Variants in ABCA1 observed in about 807,000 individuals in gnomAD.
The protein encoded by ABCA1 is ATP binding cassette subfamily A member 1, also known as phospholipid-transporting ATPase ABCA1.
ABCA1 carries 133 observed loss-of-function variants against 262.5 expected under a neutral mutation model. The observed-to-expected ratio is 0.51, with a 90% CI of 0.44 to 0.59. The LOEUF (loss-of-function observed/expected upper bound fraction) is 0.59, where lower values mean the gene tolerates loss of function less well. ABCA1 is among the 20% of genes least tolerant of loss of function. The probability of loss-of-function intolerance (pLI) is 0.00; values close to 1 mark genes in which losing one functional copy is unlikely to be tolerated. For missense variants in ABCA1, 2,452 were observed against 2,777.5 expected, an observed-to-expected ratio of 0.88 and a Z score of 2.63; for synonymous variants, 1,022 against 1,043.5, an observed-to-expected ratio of 0.98 and a Z score of 0.40.
rs2118859582 is a variant in ABCA1 at position 104,792,016 on chromosome 9, T to A, written c.5758-18A>T. The A allele has an allele frequency of 6.2e-7, 1 of 1,609,130 alleles. No homozygotes were observed. The highest frequency in any genetic ancestry group is 1.1e-5 in the South Asian group (1 of 90,510). On this transcript the variant is annotated intron_variant, in intron 42 of 49. Coordinates refer to ENST00000374736, the MANE Select transcript of ABCA1 (RefSeq NM_005502.4). ...CTATATATCTGCAACAAACAAAATGTAAACATTCATAAGCCTCAGTGACTC... is the reference window on the plus strand; with the variant it reads ...CTATATATCTGCAACAAACAAAATGAAAACATTCATAAGCCTCAGTGACTC...
At chr9:104,785,744 G>A in intron 48 of ABCA1, 105 bp from the exon 49 acceptor site, 2 of 1,379,674 alleles carry the variant, frequency 1.4e-6, no homozygotes, top group South Asian at 1.2e-5. Flanking sequence ...GGCGGCCCCT[G>A]GCAGGCCCAG....
chr9:104,831,943 C>G (rs1238549349), intron 12 of ABCA1, 116 bp from the exon 13 acceptor site: 5 of 974,100 alleles, frequency 5.1e-6, no homozygotes, highest in Non-Finnish European at 8.2e-6. Flanking sequence ...TCCTCTCTCT[C>G]TAATCCTCTC....
At chr9:104,907,677 T>C (rs1445068520) in intron 1 of ABCA1, among the ~76,000 whole-genome samples, 1 of 152,224 alleles carries the variant, frequency 6.6e-6, no homozygotes, top group African/African-American at 2.4e-5. Flanking sequence ...ACTGCTGAGC[T>C]TCCCAGGTGA....
intron 5 of ABCA1, among the ~76,000 whole-genome samples, chr9:104,865,515 C>CAA (rs925876847): frequency 1.8e-4 from 12 of 66,960 alleles, no homozygotes; most frequent in South Asian, 5.1e-4. Context: ...GACTCTGTCT[C>CAA]AAAAAAAAAA....
chr9:104,847,286 A>G (rs904022082), intron 7 of ABCA1, among the ~76,000 whole-genome samples: 2 of 152,198 alleles, frequency 1.3e-5, no homozygotes, highest in Admixed American at 1.3e-4. Context: ...TGGGGTAGCT[A>G]TAGAACCCTG....
chr9:104,897,764 T>C (rs945733835), intron 2 of ABCA1, among the ~76,000 whole-genome samples: 4 of 152,214 alleles, frequency 2.6e-5, no homozygotes, highest in Admixed American at 6.5e-5. Context: ...CTACCACGCC[T>C]GGCTAATTTT....
chr9:104,811,010 C>T (rs1831233120), intron 28 of ABCA1, 86 bp from the exon 29 acceptor site: 1 of 1,592,682 alleles, frequency 6.3e-7, no homozygotes, highest in East Asian at 2.2e-5. Flanking sequence ...CCCTACGAGT[C>T]CAGCCCACCT....
At chr9:104,831,958 G>A (rs911405744) in intron 12 of ABCA1, 131 bp from the exon 13 acceptor site, 67 of 908,150 alleles carry the variant, frequency 7.4e-5, no homozygotes, top group South Asian at 4.9e-4. Context: ...CCTCTCTAAC[G>A]TAGTTTTCCA....
At position 104,785,542 on chromosome 9, in the gene ABCA1, C is replaced by A. The variant is rs1440765616; in HGVS notation, c.6499G>T (p.Val2167Phe). Residue 2167 changes from valine to phenylalanine, a missense_variant, in exon 49 of 50, where the codon GTT becomes TTT. By Grantham distance (50) the Val-to-Phe change is conservative. This residue lies in a region of ABCA1 where 752 missense variants were observed against 944.5 expected (regional missense o/e 0.80). Transcript: ENST00000374736. Reference sequence around the variant, plus strand: ...ATGTTCCGGTGTTTCTCTTTTAGAACACTTCCAGGAAATGCAAGTCCAAAG... The same window carrying A: ...ATGTTCCGGTGTTTCTCTTTTAGAAAACTTCCAGGAAATGCAAGTCCAAAG... ...DFFGLAFPGS[V>F]LKEKHRNMLQ... 6.4e-7 allele frequency: 1 copy of A among 1,570,082 alleles called. No homozygotes were observed.
intron 5 of ABCA1, among the ~76,000 whole-genome samples, chr9:104,867,777 G>C (rs1837226074): frequency 6.6e-6 from 1 of 152,168 alleles, no homozygotes; most frequent in Non-Finnish European, 1.5e-5. Flanking sequence ...AGATGACCTG[G>C]ACGAAAGACC....
chr9:104,855,863 T>G, intron 7 of ABCA1: 1 of 1,612,576 alleles, frequency 6.2e-7, no homozygotes, highest in Non-Finnish European at 8.5e-7. Context: ...CAGGAGAAAC[T>G]CACAATACCC....
chr9:104,861,771 T>C lies in ABCA1; in HGVS notation c.451A>G (p.Asn151Asp). ...TACAGGAACCCAGAGAAGGTTTCAT[T>C]GTCCACCAGGAAATCTTGAAGCTTC... ...NLKLQDFLVD[N>D]ETFSGFLYHN... Residue 151 changes from asparagine (N) to aspartate (D), a missense_variant, in exon 6 of 50, where the codon AAT (asparagine) becomes GAT (aspartate). Around this residue, in one of 4 missense-constraint regions of ABCA1, gnomAD observed 1,032 missense variants for 1,089.7 expected, o/e 0.95. Coordinates refer to ENST00000374736, the MANE Select transcript of ABCA1 (RefSeq NM_005502.4). 1 of 1,613,630 alleles carries C rather than the reference T, an allele frequency of 6.2e-7. No individual in the cohort carries two copies. The highest frequency in any genetic ancestry group is 8.5e-7 in the Non-Finnish European group (1 of 1,179,738).
chr9:104,862,051 C>A (rs559974644), intron 5 of ABCA1, among the ~76,000 whole-genome samples: 285 of 140,432 alleles, frequency 2.0e-3, no homozygotes, highest in African/African-American at 7.6e-3. Flanking sequence ...GGTGCTGTTA[C>A]ACACACACAC....
intron 7 of ABCA1, among the ~76,000 whole-genome samples, chr9:104,850,641 A>G (rs115231467): frequency 0.022 from 3,421 of 152,302 alleles, 108 homozygotes; most frequent in African/African-American, 0.066. Context: ...CCTTGAAACT[A>G]GAACACAAAA....
At chr9:104,787,659 G>A (rs1375733949) in intron 46 of ABCA1, among the ~76,000 whole-genome samples, 1 of 152,192 alleles carries the variant, frequency 6.6e-6, no homozygotes, top group African/African-American at 2.4e-5. Flanking sequence ...TCCAGAGAAA[G>A]ATCAAATCAC....
intron 5 of ABCA1, among the ~76,000 whole-genome samples, chr9:104,882,097 T>C (rs1204920182): frequency 2.7e-5 from 4 of 146,152 alleles, no homozygotes. Context: ...AACTTTATCA[T>C]TTCTTCTTTT....
At chr9:104,792,288 T>C (rs1439133612) in intron 42 of ABCA1, among the ~76,000 whole-genome samples, 1 of 152,236 alleles carries the variant, frequency 6.6e-6, no homozygotes, top group Non-Finnish European at 1.5e-5. Flanking sequence ...AACATATATA[T>C]GTATTGCAGG....
At chr9:104,822,336 A>G (rs1385118053) in intron 19 of ABCA1, among the ~76,000 whole-genome samples, 160 bp downstream of exon 19, 1 of 152,210 alleles carries the variant, frequency 6.6e-6, no homozygotes, top group East Asian at 1.9e-4. Flanking sequence ...TAGCACGTGG[A>G]AAGACACTCA....
At chr9:104,879,871 C>T (rs1205248277) in intron 5 of ABCA1, among the ~76,000 whole-genome samples, 1 of 152,030 alleles carries the variant, frequency 6.6e-6, no homozygotes, top group Non-Finnish European at 1.5e-5. Flanking sequence ...TGAAACACAA[C>T]CAGAGGAGAG....
Sources: allele counts gnomAD v4.1 joint callset (sites outside exome capture counted in the v4.1 genomes callset), GRCh38; gene constraint gnomAD v4.1.1; regional missense constraint gnomAD v4.1.1; transcripts MANE v1.5; gene names NCBI Gene and HGNC (gene_info 2026-07-23, HGNC 2026-07-21).